The following TSGA10 variants were observed in gnomAD, a reference collection of about 807,000 sequenced individuals.
The protein encoded by TSGA10 is testis specific 10, also known as testis-specific gene 10 protein.
TSGA10 carries 43 observed loss-of-function variants against 96.6 expected under a neutral mutation model. That is an observed-to-expected ratio of 0.44 (90% CI 0.35 to 0.57). The LOEUF (loss-of-function observed/expected upper bound fraction) is 0.57. Ranked by LOEUF, TSGA10 falls within the 20% of genes least tolerant of loss-of-function variation. The probability of loss-of-function intolerance (pLI) is 0.01; values close to 1 mark genes in which losing one functional copy is unlikely to be tolerated. For missense variants in TSGA10, 703 were observed against 834.4 expected, an observed-to-expected ratio of 0.84 and a Z score of 1.94; for synonymous variants, 229 against 269.9, an observed-to-expected ratio of 0.85 and a Z score of 1.48.
At chr2:99,113,741 TTCA>T (rs374061575) in intron 4 of TSGA10, among the ~76,000 whole-genome samples, 241 of 152,206 alleles carry the variant, frequency 1.6e-3, no homozygotes, top group Middle Eastern at 6.8e-3. Flanking sequence ...GAGACCGGGT[TTCA>T]TCATATTGGT....
rs888552142 is a variant in TSGA10, at chr2:99,014,318, G to A, written c.2072+3882C>T. ...CCACTGCACTCCAGCCTGAGCAACA[G>A]AGCAAGATTCCATCTCAAAAAAATT... is the stretch of plus-strand genomic sequence containing the variant. On this transcript the variant is annotated intron_variant, in intron 20 of 20. Coordinates refer to ENST00000393483, the MANE Select transcript of TSGA10 (RefSeq NM_025244.4). Among the ~76,000 whole-genome samples the A allele has an allele frequency of 3.3e-5, 5 of 152,258 alleles. No individual in the cohort carries two copies. In the Middle Eastern group the frequency reaches 0.01, roughly 311 times the overall value.
chr2:98,999,163 T>C (rs1427517702), intron 20 of TSGA10, among the ~76,000 whole-genome samples: 2 of 152,122 alleles, frequency 1.3e-5, no homozygotes, highest in Admixed American at 1.3e-4. Flanking sequence ...CCTAAAGTTC[T>C]GGGATTATAG....
chr2:99,023,793 TCAGTTTTGCAGC>T (rs2080269503), intron 17 of TSGA10, among the ~76,000 whole-genome samples: 1 of 152,188 alleles, frequency 6.6e-6, no homozygotes. Flanking sequence ...CTTGATTACT[TCAGTTTTGCAGC>T]CAGTTTTGAA....
intron 10 of TSGA10, among the ~76,000 whole-genome samples, chr2:99,094,054 C>G (rs2089699060): frequency 1.3e-5 from 2 of 152,050 alleles, no homozygotes; most frequent in African/African-American, 4.8e-5. Context: ...TAAAAATAGG[C>G]ACTTAGACGA....
chr2:98,998,119 T>C lies in TSGA10; in HGVS notation c.*78A>G. On this transcript the variant is annotated 3_prime_UTR_variant, in exon 21 of 21. Coordinates refer to ENST00000393483, the MANE Select transcript of TSGA10 (RefSeq NM_025244.4). Reference sequence around the variant, plus strand: ...CATTGCCAAGCATTTAAAAGATAAATGCACTCATGTAGCAAAAAAAAAAAA... The same window carrying C: ...CATTGCCAAGCATTTAAAAGATAAACGCACTCATGTAGCAAAAAAAAAAAA... 1 of 1,201,876 alleles carries C rather than the reference T, an allele frequency of 8.3e-7. No individual in the cohort carries two copies. The allele number at this position is 1,201,876 out of a possible 1,614,324, so 74.5% of individuals were successfully genotyped here.
At chr2:99,117,845 A>G (rs2092357548) in intron 3 of TSGA10, 86 bp from the exon 4 acceptor site, 1 of 628,140 alleles carries the variant, frequency 1.6e-6, no homozygotes, top group Admixed American at 6.3e-5. Flanking sequence ...TCAGGAAGGG[A>G]GATTTGCTTC....
At chr2:99,126,903 T>C (rs2092858802) in intron 2 of TSGA10, 145 bp downstream of exon 2, 5 of 687,220 alleles carry the variant, frequency 7.3e-6, no homozygotes, top group Non-Finnish European at 8.1e-6. Context: ...TTTATCAAAA[T>C]GGTTAAGATA....
chr2:99,121,358 C>T (rs1002824040), intron 2 of TSGA10, among the ~76,000 whole-genome samples: 5 of 23,018 alleles, frequency 2.2e-4, no homozygotes, highest in African/African-American at 7.9e-4. Context: ...ATTTTAGTTA[C>T]TGTATTGTTA....
chr2:99,111,391 T>C (rs1023151252), intron 4 of TSGA10, among the ~76,000 whole-genome samples: 1 of 152,316 alleles, frequency 6.6e-6, no homozygotes, highest in South Asian at 2.1e-4. Flanking sequence ...GATAGGTACC[T>C]ATAGTCATAT....
Position 98,997,513 on chromosome 2 carries a change from T to C in TSGA10, c.*684A>G, listed in dbSNP as rs2077567850. 6.6e-6 allele frequency: 1 copy of C among 152,086 alleles called. No homozygotes were observed. The allele number at this position is 152,086 out of a possible 1,614,324, so 9.4% of individuals were successfully genotyped here. A position where few individuals can be genotyped will look rare whatever the true frequency, so the allele number is the denominator to read the frequency against. ...ATTGCAGTACTTGAAAGAAAACTTATTAAAAATAAAGATTTTTAATAAAAT... is the reference window on the plus strand; with the variant it reads ...ATTGCAGTACTTGAAAGAAAACTTACTAAAAATAAAGATTTTTAATAAAAT... On this transcript the variant is annotated 3_prime_UTR_variant, in exon 21 of 21. Transcript: ENST00000393483.
intron 1 of TSGA10, among the ~76,000 whole-genome samples, chr2:99,143,663 G>A (rs370850055): frequency 1.3e-5 from 2 of 151,738 alleles, no homozygotes; most frequent in African/African-American, 4.8e-5. Context: ...GTAGAGATGC[G>A]GTTTCACCAT....
At chr2:99,105,819 T>C in intron 7 of TSGA10, 122 bp from the exon 8 acceptor site, 1 of 569,048 alleles carries the variant, frequency 1.8e-6, no homozygotes, top group East Asian at 2.8e-5. Context: ...AGGGTAATGG[T>C]ATCGCTTTTA....
At chr2:99,003,790 C>T (rs2078198466) in intron 20 of TSGA10, among the ~76,000 whole-genome samples, 1 of 152,042 alleles carries the variant, frequency 6.6e-6, no homozygotes, top group Admixed American at 6.6e-5. Flanking sequence ...ATCTGGGACA[C>T]ATTTAAAGCA....
intron 16 of TSGA10, among the ~76,000 whole-genome samples, chr2:99,042,850 T>C (rs1338182905): frequency 6.6e-6 from 1 of 151,960 alleles, no homozygotes; most frequent in African/African-American, 2.4e-5. Context: ...ATTACAGGCA[T>C]GCACCATCAT....
chr2:99,117,677 T>C lies in TSGA10; in HGVS notation c.-273A>G. On this transcript the variant is annotated 5_prime_UTR_variant, in exon 4 of 21. Transcript: ENST00000393483. ...ATTGTGGCTGGTTAAATCATCTACT[T>C]GACTGCTTACCACCTCCTTACTATC... 5.1e-6 allele frequency: 5 copies of C among 985,826 alleles called. No individual in the cohort carries two copies. The highest frequency in any genetic ancestry group is 6.0e-6 in the Non-Finnish European group (5 of 829,884). The allele number at this position is 985,826 out of a possible 1,614,324, so 61.1% of individuals were successfully genotyped here.
chr2:99,151,360 G>T (rs1033904051), intron 1 of TSGA10: 1 of 152,040 alleles, frequency 6.6e-6, no homozygotes, highest in Non-Finnish European at 1.5e-5. Context: ...CTACCTGGGA[G>T]GCTGAGGAAG....
At chr2:99,069,480 G>A (rs532565974) in intron 14 of TSGA10, among the ~76,000 whole-genome samples, 1 of 151,956 alleles carries the variant, frequency 6.6e-6, no homozygotes, top group South Asian at 2.1e-4. Context: ...GGCACATGGG[G>A]ATTCATTATA....
chr2:99,132,892 A>C (rs2093160086), intron 1 of TSGA10, among the ~76,000 whole-genome samples: 1 of 151,926 alleles, frequency 6.6e-6, no homozygotes, highest in Non-Finnish European at 1.5e-5. Flanking sequence ...GTTTCTATAC[A>C]GTTGCGTGAT....
Position 99,141,191 on chromosome 2 carries a change from T to G in TSGA10, c.-621+13502A>C, listed in dbSNP as rs1004487140. On this transcript the variant is annotated intron_variant, in intron 1 of 20. Transcript: ENST00000393483. ...AGCGGGGGATACAAGAACCGCCCAC[T>G]CTCCATCCTCCGCCCCTTTCTCCTC... is the stretch of plus-strand genomic sequence containing the variant. The G allele has an allele frequency of 7.6e-6, 9 of 1,187,366 alleles. No homozygotes were observed. In the African/African-American group the frequency reaches 1.5e-4, roughly 19 times the overall value. 73.6% of individuals were successfully genotyped at this position (1,187,366 alleles called of 1,614,324 possible).
Sources: allele counts gnomAD v4.1 joint callset (sites outside exome capture counted in the v4.1 genomes callset), GRCh38; gene constraint gnomAD v4.1.1; transcripts MANE v1.5; gene names NCBI Gene and HGNC (gene_info 2026-07-23, HGNC 2026-07-21).